Variants in TLE1 observed in about 807,000 individuals in gnomAD.
TLE1 encodes TLE family member 1, transcriptional corepressor.
A neutral mutation model predicts 89.8 loss-of-function variants in TLE1; 21 were observed. The observed-to-expected ratio is 0.23, with a 90% CI of 0.17 to 0.34. The LOEUF (loss-of-function observed/expected upper bound fraction) is 0.34. Among genes scored for constraint, TLE1 ranks in the 10% least tolerant of loss-of-function variants. The pLI is 1.00. For missense variants in TLE1, 795 were observed against 1,031.2 expected (o/e 0.77, Z 3.14); for synonymous variants, 447 against 407.6 (o/e 1.10, Z -1.16).
intron 6 of TLE1, among the ~76,000 whole-genome samples, chr9:81,640,447 A>G (rs1827966165): frequency 6.6e-6 from 1 of 152,152 alleles, no homozygotes. Context: ...AGAAAGGACT[A>G]CACTGGGAAA....
At chr9:81,621,541 C>CA (rs1825255257) in intron 8 of TLE1, among the ~76,000 whole-genome samples, 1 of 152,198 alleles carries the variant, frequency 6.6e-6, no homozygotes. Context: ...AGGACAGTGT[C>CA]CAGGGCCAAC....
chr9:81,670,714 G>GAAA (rs59394276), intron 4 of TLE1, among the ~76,000 whole-genome samples: 1 of 144,556 alleles, frequency 6.9e-6, no homozygotes, highest in Non-Finnish European at 1.5e-5. Flanking sequence ...AAGCTAATCA[G>GAAA]AAAAAAAAAA....
At chr9:81,601,600 A>AG (rs1830932473) in intron 14 of TLE1, among the ~76,000 whole-genome samples, 1 of 151,356 alleles carries the variant, frequency 6.6e-6, no homozygotes, top group Non-Finnish European at 1.5e-5. Context: ...CTACAGTGCC[A>AG]GAAAAAAAAA....
At position 81,611,650 on chromosome 9, in the gene TLE1, G is replaced by GT. The variant is rs1408128098; in HGVS notation, c.1254+118dup. On this transcript the variant is annotated intron_variant, in intron 13 of 19. Coordinates refer to ENST00000376499, the MANE Select transcript of TLE1 (RefSeq NM_005077.5). ...GACTGGGCGTCTTTGTCTCCGAGGT[G>GT]TGTGGGGCTGGCTGCTCCTGCCCAC... The GT allele has an allele frequency of 7.0e-6, 7 of 1,002,634 alleles. No homozygotes were observed. The Admixed American group carries it at 1.3e-4, about 18-fold the overall frequency. The allele number at this position is 1,002,634 out of a possible 1,614,324, so 62.1% of individuals were successfully genotyped here.
chr9:81,657,072 T>C (rs1830229847), intron 4 of TLE1, among the ~76,000 whole-genome samples: 1 of 152,226 alleles, frequency 6.6e-6, no homozygotes, highest in Admixed American at 6.5e-5. Context: ...CATTTTTATT[T>C]GCATTACTTG....
At chr9:81,650,240 A>T (rs1829375206) in intron 6 of TLE1, among the ~76,000 whole-genome samples, 1 of 152,232 alleles carries the variant, frequency 6.6e-6, no homozygotes, top group Non-Finnish European at 1.5e-5. Context: ...ATTACCTATG[A>T]ACATCTGGTT....
chr9:81,673,763 G>T (rs977418927), intron 4 of TLE1, among the ~76,000 whole-genome samples: 3 of 152,084 alleles, frequency 2.0e-5, no homozygotes, highest in Admixed American at 2.0e-4. Flanking sequence ...CCACGGATGG[G>T]GGCTATGACA....
chr9:81,631,609 TG>T (rs2132322670), intron 8 of TLE1, among the ~76,000 whole-genome samples: 1 of 152,286 alleles, frequency 6.6e-6, no homozygotes, highest in East Asian at 1.9e-4. Flanking sequence ...ATATATGGTA[TG>T]CACTCAATGA....
At chr9:81,613,828 A>G (rs1824027091) in intron 11 of TLE1, among the ~76,000 whole-genome samples, 1 of 150,974 alleles carries the variant, frequency 6.6e-6, no homozygotes, top group Non-Finnish European at 1.5e-5. Flanking sequence ...TAGAAAGATG[A>G]CCACCCAGAG....
At chr9:81,595,254 A>T (rs1241401258) in intron 14 of TLE1, among the ~76,000 whole-genome samples, 1 of 152,228 alleles carries the variant, frequency 6.6e-6, no homozygotes, top group Non-Finnish European at 1.5e-5. Flanking sequence ...TGCACATTAT[A>T]GTTAGTTGAA....
At chr9:81,638,605 C>G (rs1392446603) in intron 6 of TLE1, among the ~76,000 whole-genome samples, 1 of 152,042 alleles carries the variant, frequency 6.6e-6, no homozygotes, top group Non-Finnish European at 1.5e-5. Context: ...CCCAATAGCT[C>G]TGCCAATCAG....
intron 8 of TLE1, among the ~76,000 whole-genome samples, chr9:81,624,498 AG>A (rs1825678705): frequency 6.6e-6 from 1 of 152,226 alleles, no homozygotes; most frequent in African/African-American, 2.4e-5. Flanking sequence ...TCTACCAAAC[AG>A]GATTCATCAA....
At chr9:81,627,046 T>C (rs1270653174) in intron 8 of TLE1, among the ~76,000 whole-genome samples, 1 of 152,148 alleles carries the variant, frequency 6.6e-6, no homozygotes, top group African/African-American at 2.4e-5. Flanking sequence ...CCTGTTGAAA[T>C]ACTTGCTAAT....
chr9:81,630,740 C>T (rs1461297179), intron 8 of TLE1, among the ~76,000 whole-genome samples: 5 of 152,198 alleles, frequency 3.3e-5, no homozygotes, highest in Non-Finnish European at 5.9e-5. Context: ...CTTTCTAATT[C>T]AAACCACTTT....
chr9:81,677,298 G>A (rs985111496), intron 4 of TLE1, among the ~76,000 whole-genome samples: 13 of 151,828 alleles, frequency 8.6e-5, no homozygotes, highest in Admixed American at 3.3e-4. Context: ...GGGCGCAGTG[G>A]CTCACACCTG....
intron 17 of TLE1, among the ~76,000 whole-genome samples, chr9:81,586,203 AAGACGGGG>A (rs1564100820): frequency 2.0e-5 from 3 of 151,834 alleles, no homozygotes; most frequent in Non-Finnish European, 2.9e-5. Flanking sequence ...ATTTTTAGTA[AAGACGGGG>A]TTTCACCGTG....
Position 81,685,571 on chromosome 9 carries a change from C to G in TLE1, c.234+105G>C. The G allele has an allele frequency of 3.6e-6, 4 of 1,120,988 alleles. No homozygotes were observed. In the South Asian group the frequency reaches 6.0e-5, roughly 17 times the overall value. 69.4% of individuals were successfully genotyped at this position (1,120,988 alleles called of 1,614,324 possible). ...ACAGGAAACCAAGGCAGAAAAATAG[C>G]ATACAAACCCCCACCCCTAGAGCCC... On this transcript the variant is annotated intron_variant, in intron 4 of 19. Transcript: ENST00000376499.
At chr9:81,597,943 T>C (rs148656064) in intron 14 of TLE1, among the ~76,000 whole-genome samples, 13 of 152,112 alleles carry the variant, frequency 8.5e-5, no homozygotes, top group African/African-American at 2.4e-4. Flanking sequence ...CTGTGTTCTG[T>C]GGTCAAAGGA....
At position 81,620,540 on chromosome 9, in the gene TLE1, G is replaced by A. The variant is rs61734164; in HGVS notation, c.612C>T (p.Val204=). ...REPGTSNSLL[V]PDSLRGTDKR... The stretch of plus-strand genomic sequence containing the variant: ...TATCTGTGCCTCTTAGACTGTCTGG[G>A]ACCAGGAGGGAATTACTCTGCAAGA... The change falls in exon 9 of 20, where the codon GTC becomes GTT. Residue 204 remains valine (V), a synonymous_variant. Coordinates refer to ENST00000376499, the MANE Select transcript of TLE1 (RefSeq NM_005077.5). 1.1e-3 allele frequency: 1,843 copies of A among 1,611,258 alleles called. 14 individuals carry two copies. The African/African-American group carries it at 0.02, about 18-fold the overall frequency.
Sources: gnomAD v4.1 joint callset for allele counts (sites outside exome capture counted in the v4.1 genomes callset) on GRCh38, gnomAD v4.1.1 for gene constraint, MANE v1.5 for transcripts, NCBI Gene and HGNC (gene_info 2026-07-23, HGNC 2026-07-21) for gene names.